NAALADL2: variants seen among roughly 807,000 people sequenced by gnomAD.
NAALADL2 encodes inactive N-acetylated-alpha-linked acidic dipeptidase-like protein 2.
NAALADL2 carries 76 observed loss-of-function variants against 87.2 expected under a neutral mutation model. The observed-to-expected ratio is 0.87, with a 90% CI of 0.72 to 1.05. The LOEUF is 1.05. NAALADL2 is among the 50% of genes least tolerant of loss of function. The pLI is 0.00. For synonymous variants in NAALADL2, 354 were observed against 331.0 expected (o/e 1.07, Z -0.75); for missense variants, 1,089 against 945.8 (o/e 1.15, Z -1.99).
rs997815158 is a variant in NAALADL2 at position 174,534,965 on chromosome 3, G to A, written c.-183-15604G>A. Among the ~76,000 whole-genome samples the A allele has an allele frequency of 2.6e-5, 4 of 152,274 alleles. No individual in the cohort carries two copies. The East Asian group carries it at 7.7e-4, about 29-fold the overall frequency. ...AATATATTGATTTAACTGGTCTGGA[G>A]TTACACTATAGCTATTGGCAATAAA... On this transcript the variant is annotated intron_variant, in intron 1 of 3. Coordinates refer to the NAALADL2 transcript ENST00000434257.
chr3:174,763,925 C>A (rs1345228790), intron 3 of NAALADL2, among the ~76,000 whole-genome samples: 3 of 151,766 alleles, frequency 2.0e-5, no homozygotes, highest in African/African-American at 7.3e-5. Flanking sequence ...CAAAGTTAAC[C>A]AATCAGCCTT....
intron 1 of NAALADL2, among the ~76,000 whole-genome samples, chr3:174,873,229 C>CTTTATTTATTTATTTA (rs150711871): frequency 6.2e-5 from 9 of 144,400 alleles, no homozygotes; most frequent in African/African-American, 2.1e-4. Context: ...GTGTACATGT[C>CTTTATTTATTTATTTA]TTTATTTATT....
chr3:174,755,232 T>C (rs1711881718), intron 3 of NAALADL2, among the ~76,000 whole-genome samples: 1 of 152,178 alleles, frequency 6.6e-6, no homozygotes, highest in Non-Finnish European at 1.5e-5. Flanking sequence ...CTTCATCTTC[T>C]GCCGTAATTG....
At chr3:174,785,769 T>C (rs2109170257) in intron 3 of NAALADL2, among the ~76,000 whole-genome samples, 1 of 152,276 alleles carries the variant, frequency 6.6e-6, no homozygotes. Flanking sequence ...CTTATGCTGT[T>C]TGAAGTATTG....
intron 6 of NAALADL2, among the ~76,000 whole-genome samples, chr3:175,454,905 A>C (rs1418003691): frequency 1.3e-5 from 2 of 152,110 alleles, no homozygotes; most frequent in East Asian, 3.9e-4. Context: ...AAAAGAATAC[A>C]CTAAAAAATG....
intron 2 of NAALADL2, among the ~76,000 whole-genome samples, chr3:175,123,030 A>AACC: frequency 1.3e-5 from 2 of 152,054 alleles, no homozygotes; most frequent in African/African-American, 4.8e-5. Flanking sequence ...CATGATAATG[A>AACC]CATTAATCCA....
intron 3 of NAALADL2, among the ~76,000 whole-genome samples, chr3:174,832,933 G>A (rs1157375448): frequency 2.6e-5 from 4 of 152,038 alleles, no homozygotes; most frequent in African/African-American, 4.8e-5. Flanking sequence ...AAAATCTAAT[G>A]TATATTAGCA....
At chr3:175,363,528 G>C (rs1765251916) in intron 5 of NAALADL2, among the ~76,000 whole-genome samples, 1 of 147,322 alleles carries the variant, frequency 6.8e-6, no homozygotes. Context: ...CTCTGACTCT[G>C]TCTCTCTGTG....
chr3:174,850,881 T>TAA (rs149820859), intron 3 of NAALADL2, among the ~76,000 whole-genome samples: 2 of 151,220 alleles, frequency 1.3e-5, no homozygotes, highest in African/African-American at 4.9e-5. Context: ...TGTCTTAATT[T>TAA]AAAAAAAAAC....
intron 11 of NAALADL2, among the ~76,000 whole-genome samples, chr3:175,715,685 G>T (rs1741141524): frequency 6.6e-6 from 1 of 151,988 alleles, no homozygotes; most frequent in African/African-American, 2.4e-5. Context: ...AGACCAGCCT[G>T]GTCAACATGG....
intron 1 of NAALADL2, among the ~76,000 whole-genome samples, chr3:174,968,330 T>G (rs772887701): frequency 2.6e-5 from 4 of 152,188 alleles, no homozygotes; most frequent in Non-Finnish European, 5.9e-5. Context: ...TCTCATTTTC[T>G]GCCAACGCTG....
chr3:175,113,362 G>T (rs1724530774), intron 2 of NAALADL2, among the ~76,000 whole-genome samples: 1 of 151,496 alleles, frequency 6.6e-6, no homozygotes, highest in African/African-American at 2.4e-5. Flanking sequence ...ATGCCAAAAT[G>T]AGAGGCACAG....
At chr3:175,122,495 T>C (rs1726305029) in intron 2 of NAALADL2, among the ~76,000 whole-genome samples, 1 of 151,830 alleles carries the variant, frequency 6.6e-6, no homozygotes, top group Non-Finnish European at 1.5e-5. Flanking sequence ...CAAAGTTGAC[T>C]AAGGGACTTC....
chr3:175,550,804 T>C (rs1487183508), intron 9 of NAALADL2, among the ~76,000 whole-genome samples: 1 of 152,200 alleles, frequency 6.6e-6, no homozygotes, highest in African/African-American at 2.4e-5. Context: ...AAACTTTCTG[T>C]GTATCAGGAA....
At chr3:174,538,906 C>A (rs1442439120) in intron 1 of NAALADL2, among the ~76,000 whole-genome samples, 1 of 152,138 alleles carries the variant, frequency 6.6e-6, no homozygotes, top group Non-Finnish European at 1.5e-5. Context: ...TGCCTTATGT[C>A]TCCCTAAAAT....
chr3:175,627,383 T>G lies in NAALADL2; in HGVS notation c.1893T>G (p.Thr631=), dbSNP rs1338241156. ...CTTTCAACCTTCATGAAACCATTACTAAGGTAGGGGAGAAATGCATTCAAA... is the reference window on the plus strand; with the variant it reads ...CTTTCAACCTTCATGAAACCATTACGAAGGTAGGGGAGAAATGCATTCAAA... The part of the protein sequence containing the change: ...DPSFNLHETI[T]KLSGEVILQI... The change falls in exon 11 of 14, where the codon ACT becomes ACG. Residue 631 remains threonine, a synonymous_variant. Coordinates refer to ENST00000454872, the MANE Select transcript of NAALADL2 (RefSeq NM_207015.3). 6.5e-7 allele frequency: 1 copy of G among 1,541,478 alleles called. No homozygotes were observed. Among genetic ancestry groups the G allele is most frequent in the Non-Finnish European group, 8.8e-7 (1 of 1,135,780 alleles).
At chr3:174,705,283 T>A (rs2108894808) in intron 2 of NAALADL2, among the ~76,000 whole-genome samples, 1 of 152,276 alleles carries the variant, frequency 6.6e-6, no homozygotes, top group African/African-American at 2.4e-5. Flanking sequence ...GGGGAGAATG[T>A]ACAAATACCA....
At chr3:175,644,578 G>A in intron 11 of NAALADL2, among the ~76,000 whole-genome samples, 1 of 151,838 alleles carries the variant, frequency 6.6e-6, no homozygotes, top group East Asian at 1.9e-4. Flanking sequence ...TTTCTGGGCT[G>A]TTGATCCTAT....
chr3:174,591,354 G>A (rs1717343200), intron 2 of NAALADL2, among the ~76,000 whole-genome samples: 1 of 152,174 alleles, frequency 6.6e-6, no homozygotes, highest in Admixed American at 6.5e-5. Context: ...TAAAATCACA[G>A]TAGACTACAA....
Sources: allele counts gnomAD v4.1 joint callset (sites outside exome capture counted in the v4.1 genomes callset), GRCh38; gene constraint gnomAD v4.1.1; transcripts MANE v1.5; gene names NCBI Gene and HGNC (gene_info 2026-07-23, HGNC 2026-07-21).